PCDH15: variants seen among roughly 807,000 people sequenced by gnomAD.
PCDH15 encodes the protein protocadherin-15.
A neutral mutation model predicts 178.5 loss-of-function variants in PCDH15; 129 were observed. That is an observed-to-expected ratio of 0.72 (90% CI 0.63 to 0.84). PCDH15 has a LOEUF of 0.84. PCDH15 is among the 40% of genes least tolerant of loss of function. The pLI, the probability that PCDH15 is intolerant of heterozygous loss-of-function variation, is 0.00. For missense variants in PCDH15, 2,230 were observed against 2,099.9 expected (o/e 1.06, Z -1.21); for synonymous variants, 800 against 732.0 (o/e 1.09, Z -1.50).
intron 10 of PCDH15, among the ~76,000 whole-genome samples, chr10:54,203,381 C>T (rs979416681): frequency 6.6e-6 from 1 of 152,050 alleles, no homozygotes; most frequent in African/African-American, 2.4e-5. Context: ...TGTATGTGTG[C>T]ACGTATGCCT....
intron 2 of PCDH15, among the ~76,000 whole-genome samples, chr10:54,616,397 CT>C (rs781641157): frequency 6.6e-6 from 1 of 152,032 alleles, no homozygotes; most frequent in Non-Finnish European, 1.5e-5. Context: ...AATCATAGAA[CT>C]GCTTCTTTGG....
chr10:53,958,249 CT>C (rs1282556382), intron 23 of PCDH15, among the ~76,000 whole-genome samples: 1 of 152,112 alleles, frequency 6.6e-6, no homozygotes, highest in Non-Finnish European at 1.5e-5. Context: ...TTCAATTTTT[CT>C]TTGGATAGAC....
intron 13 of PCDH15, among the ~76,000 whole-genome samples, chr10:54,159,785 T>TA (rs930042027): frequency 2.6e-5 from 4 of 152,248 alleles, no homozygotes; most frequent in South Asian, 2.1e-4. Context: ...ACTCAATAAG[T>TA]AAAAAAATAC....
At chr10:53,968,058 C>T (rs1318063003) in intron 21 of PCDH15, among the ~76,000 whole-genome samples, 1 of 152,102 alleles carries the variant, frequency 6.6e-6, no homozygotes, top group Non-Finnish European at 1.5e-5. Flanking sequence ...TGGGGCATTG[C>T]CTCACCTGGG....
At chr10:55,435,666 G>A (rs1451289729) in intron 2 of PCDH15, among the ~76,000 whole-genome samples, 1 of 151,896 alleles carries the variant, frequency 6.6e-6, no homozygotes, top group Non-Finnish European at 1.5e-5. Context: ...GAAAAAAAGT[G>A]GAAAACCAGG....
At chr10:55,022,111 T>C (rs1840346101) in intron 2 of PCDH15, among the ~76,000 whole-genome samples, 1 of 152,078 alleles carries the variant, frequency 6.6e-6, no homozygotes, top group Non-Finnish European at 1.5e-5. Context: ...TTTCAAAATA[T>C]CTATTTTACA....
intron 2 of PCDH15, among the ~76,000 whole-genome samples, chr10:54,644,412 T>C (rs925407594): frequency 2.0e-5 from 3 of 151,716 alleles, no homozygotes; most frequent in Admixed American, 6.6e-5. Flanking sequence ...CATCTATTTG[T>C]TGACTGTATA....
At chr10:54,758,744 T>A (rs1337420523) in intron 1 of PCDH15, among the ~76,000 whole-genome samples, 3 of 152,180 alleles carry the variant, frequency 2.0e-5, no homozygotes, top group African/African-American at 7.2e-5. Context: ...AATTGAACTT[T>A]TGGGTTGTGT....
chr10:55,352,589 T>A (rs542647320), intron 2 of PCDH15, among the ~76,000 whole-genome samples: 1 of 152,250 alleles, frequency 6.6e-6, no homozygotes, highest in East Asian at 1.9e-4. Context: ...TTGTTCAGAA[T>A]TTGAAGCAAA....
intron 15 of PCDH15, among the ~76,000 whole-genome samples, chr10:54,123,887 A>G (rs915642527): frequency 1.3e-5 from 2 of 152,136 alleles, no homozygotes; most frequent in African/African-American, 4.8e-5. Flanking sequence ...ATCCTAATTG[A>G]ATTAACACAG....
At chr10:54,509,680 CTTGG>C (rs1177621280) in intron 3 of PCDH15, among the ~76,000 whole-genome samples, 1 of 152,128 alleles carries the variant, frequency 6.6e-6, no homozygotes, top group Non-Finnish European at 1.5e-5. Context: ...TGTACACTTT[CTTGG>C]TTCCTCCGGT....
chr10:55,047,841 C>G (rs1005379650), intron 2 of PCDH15, among the ~76,000 whole-genome samples: 2 of 151,558 alleles, frequency 1.3e-5, no homozygotes, highest in Non-Finnish European at 3.0e-5. Flanking sequence ...TTTCAGTTAT[C>G]AGAGAAATCT....
At chr10:55,603,478 T>A (rs1415318483) in intron 2 of PCDH15, among the ~76,000 whole-genome samples, 1 of 151,586 alleles carries the variant, frequency 6.6e-6, no homozygotes, top group African/African-American at 2.4e-5. Flanking sequence ...GAAAAAATGT[T>A]AAGGGCAGCC....
chr10:55,596,608 A>T (rs556388388), intron 2 of PCDH15, among the ~76,000 whole-genome samples: 3 of 152,278 alleles, frequency 2.0e-5, no homozygotes, highest in African/African-American at 7.2e-5. Flanking sequence ...CAAAGTATTA[A>T]AAAAGTAAGG....
At chr10:54,767,329 T>C (rs1397480803) in intron 1 of PCDH15, among the ~76,000 whole-genome samples, 4 of 152,160 alleles carry the variant, frequency 2.6e-5, no homozygotes, top group African/African-American at 9.7e-5. Context: ...TCAAGAATGA[T>C]GATTAAATGA....
intron 8 of PCDH15, among the ~76,000 whole-genome samples, chr10:54,280,461 T>C (rs2058623835): frequency 6.6e-6 from 1 of 151,870 alleles, no homozygotes; most frequent in South Asian, 2.1e-4. Context: ...ATCGCAAATC[T>C]TGGCCCTTTA....
intron 3 of PCDH15, among the ~76,000 whole-genome samples, chr10:54,470,614 T>G (rs1413495482): frequency 6.6e-6 from 1 of 152,154 alleles, no homozygotes; most frequent in Non-Finnish European, 1.5e-5. Context: ...AGTGCCCATA[T>G]GGGTTGAAGG....
chr10:54,021,169 G>A (rs1478802162), intron 19 of PCDH15, among the ~76,000 whole-genome samples: 2 of 152,064 alleles, frequency 1.3e-5, no homozygotes, highest in Non-Finnish European at 2.9e-5. Flanking sequence ...ATATCCTTTA[G>A]CTGAAAGGAT....
chr10:53,971,867 G>T (rs1813722213), intron 21 of PCDH15, among the ~76,000 whole-genome samples: 1 of 152,082 alleles, frequency 6.6e-6, no homozygotes, highest in Non-Finnish European at 1.5e-5. Flanking sequence ...TACTGCCCAA[G>T]GTAATTTATA....
Sources: allele counts gnomAD v4.1 joint callset (sites outside exome capture counted in the v4.1 genomes callset), GRCh38; gene constraint gnomAD v4.1.1; transcripts MANE v1.5; gene names NCBI Gene and HGNC (gene_info 2026-07-23, HGNC 2026-07-21).